ST7L: variants seen among roughly 807,000 people sequenced by gnomAD.
ST7L encodes the protein suppression of tumorigenicity 7 like.
ST7L carries 57 observed loss-of-function variants against 72.5 expected under a neutral mutation model. The ratio of observed to expected loss-of-function variants is 0.79; its 90% CI spans 0.64 to 0.98. ST7L has a LOEUF of 0.98. ST7L is among the 50% of genes least tolerant of loss of function. The pLI, the probability that ST7L is intolerant of heterozygous loss-of-function variation, is 0.00. For synonymous variants in ST7L, 221 were observed against 240.9 expected (o/e 0.92, Z 0.77); for missense variants, 576 against 672.2 (o/e 0.86, Z 1.58).
At chr1:112,522,740 A>T (rs547645467), downstream of ST7L, 1 of 152,304 alleles carries the variant, frequency 6.6e-6, no homozygotes, top group Non-Finnish European at 1.5e-5. Context: ...ATCCATTAAC[A>T]CAAAACATGA....
intron 13 of ST7L, among the ~76,000 whole-genome samples, chr1:112,548,999 T>TTGTGTGTGTGTG (rs71081247): frequency 6.7e-5 from 10 of 148,812 alleles, no homozygotes; most frequent in African/African-American, 2.5e-4. Context: ...GCTTGTTACT[T>TTGTGTGTGTGTG]TGTGTGTGTG....
At chr1:112,615,257 T>C (rs1038870189) in intron 2 of ST7L, among the ~76,000 whole-genome samples, 43 of 151,740 alleles carry the variant, frequency 2.8e-4, no homozygotes, top group African/African-American at 1.0e-3. Context: ...GTGCTAGGAT[T>C]ACAGGTATGA....
intron 8 of ST7L, 113 bp downstream of exon 8, chr1:112,582,262 C>A (rs1335520267): frequency 1.1e-6 from 1 of 926,808 alleles, no homozygotes; most frequent in Non-Finnish European, 1.6e-6. Flanking sequence ...ATACCTTGTT[C>A]TAAAAACTAC....
intron 9 of ST7L, among the ~76,000 whole-genome samples, chr1:112,579,164 C>CACGA (rs1385885593): frequency 6.6e-6 from 1 of 152,024 alleles, no homozygotes; most frequent in African/African-American, 2.4e-5. Flanking sequence ...GTGGGTGGAT[C>CACGA]ACGAGGTCAG....
intron 11 of ST7L, among the ~76,000 whole-genome samples, chr1:112,570,401 C>T (rs940595068): frequency 1.3e-5 from 2 of 152,072 alleles, no homozygotes; most frequent in African/African-American, 4.8e-5. Flanking sequence ...ACAAATTGCA[C>T]AGCTCTAGAC....
chr1:112,540,165 G>C, intron 14 of ST7L: 1 of 985,312 alleles, frequency 1.0e-6, no homozygotes, highest in Non-Finnish European at 1.2e-6. Flanking sequence ...CTAACAGTTG[G>C]TATAGATCTA....
intron 11 of ST7L, among the ~76,000 whole-genome samples, chr1:112,557,224 T>C (rs1659350454): frequency 1.3e-5 from 2 of 152,130 alleles, no homozygotes; most frequent in African/African-American, 4.8e-5. Flanking sequence ...AAGAAAATCC[T>C]GTACCCTTTA....
intron 13 of ST7L, among the ~76,000 whole-genome samples, chr1:112,550,209 A>G (rs1657882293): frequency 6.6e-6 from 1 of 152,156 alleles, no homozygotes; most frequent in African/African-American, 2.4e-5. Flanking sequence ...TATATTCATA[A>G]GGGCTGTTGT....
Position 112,577,026 on chromosome 1 carries a change from G to A in ST7L, c.1205C>T (p.Ala402Val). 1.9e-6 allele frequency: 3 copies of A among 1,610,284 alleles called. No homozygotes were observed. Among genetic ancestry groups the A allele is most frequent in the Non-Finnish European group, 2.5e-6 (3 of 1,177,738 alleles). The part of the protein sequence containing the change: ...LSTAEINAVE[A>V]IHRAVEFNPH... The stretch of plus-strand genomic sequence containing the variant: ...ATTAAATTCCACAGCTCTATGAATT[G>A]CTTCCACGGCATTAATTTCTGCTGT... The change falls in exon 11 of 15, where the codon GCA becomes GTA. Residue 402 changes from alanine to valine, a missense_variant. Physicochemically the swap from Ala to Val is moderately conservative, Grantham distance 64. Coordinates refer to ENST00000358039, the MANE Select transcript of ST7L (RefSeq NM_017744.5).
rs1664264089 is a variant in ST7L at position 112,582,425 on chromosome 1, A to G, written c.904T>C (p.Cys302Arg). The change falls in exon 8 of 15, where the codon TGT becomes CGT. Residue 302 changes from cysteine (C) to arginine (R), a missense_variant. Cys to Arg is a radical substitution (Grantham distance 180, BLOSUM62 -3). Transcript: ENST00000358039. ...CTTATTCTTCCTAATTTTCTTGCAC[A>G]CATTGCCAATCTTCTTTTAATATAT... ...LVYIKRRLAMCARKLGRIREA... is the reference protein window; with the variant it reads ...LVYIKRRLAMRARKLGRIREA... The G allele has an allele frequency of 5.6e-6, 9 of 1,609,302 alleles. No individual in the cohort carries two copies. The highest frequency in any genetic ancestry group is 7.6e-6 in the Non-Finnish European group (9 of 1,177,186).
intron 12 of ST7L, among the ~76,000 whole-genome samples, chr1:112,553,674 C>T (rs7552491): frequency 0.02 from 3,061 of 152,210 alleles, 103 homozygotes; most frequent in African/African-American, 0.069. Context: ...AACTTGGAAT[C>T]ACATTGGACA....
At chr1:112,538,938 G>A (rs1209133847) in intron 14 of ST7L, among the ~76,000 whole-genome samples, 2 of 152,114 alleles carry the variant, frequency 1.3e-5, no homozygotes, top group Non-Finnish European at 2.9e-5. Context: ...ACAACTAAGG[G>A]TAGAAAAGGT....
chr1:112,568,861 AATATAT>A (rs377429784), intron 11 of ST7L, among the ~76,000 whole-genome samples: 221 of 114,886 alleles, frequency 1.9e-3, no homozygotes, highest in African/African-American at 4.5e-3. Context: ...TATAAATATA[AATATAT>A]ATATATATAT....
chr1:112,615,865 G>A (rs545591791), intron 2 of ST7L, among the ~76,000 whole-genome samples: 6 of 152,112 alleles, frequency 3.9e-5, no homozygotes, highest in South Asian at 4.2e-4. Flanking sequence ...TCAGCCTTCC[G>A]AGTAGCTGGG....
Position 112,619,100 on chromosome 1 carries a change from C to G in ST7L, c.14G>C (p.Gly5Ala). Residue 5 changes from glycine to alanine, a missense_variant, in exon 1 of 15, where the codon GGC becomes GCC. Physicochemically the swap from Gly to Ala is moderately conservative, Grantham distance 60 (BLOSUM62 0). Coordinates refer to ENST00000358039, the MANE Select transcript of ST7L (RefSeq NM_017744.5). ...AACAGCTGCGGCTTCACCCACGCCG[C>G]CACGGTCCGCCATCTTGCCGCTATC... MADRGGVGEAAAVGA... is the reference protein window; with the variant it reads MADRAGVGEAAAVGA... 1 of 1,613,484 alleles carries G rather than the reference C, an allele frequency of 6.2e-7. No homozygotes were observed. The highest frequency in any genetic ancestry group is 1.3e-5 in the African/African-American group (1 of 75,068).
intron 11 of ST7L, among the ~76,000 whole-genome samples, chr1:112,574,001 A>G (rs1662622867): frequency 7.6e-6 from 1 of 131,210 alleles, no homozygotes; most frequent in Non-Finnish European, 1.5e-5. Context: ...TGCAACCTTC[A>G]TCTCTAGGAC....
intron 2 of ST7L, 34 bp downstream of exon 2, chr1:112,616,779 C>A: frequency 3.4e-6 from 5 of 1,474,012 alleles, no homozygotes; most frequent in East Asian, 2.3e-5. Flanking sequence ...AGATAAACAC[C>A]AAAACATGAA....
At chr1:112,603,375 G>A (rs1208104551) in intron 3 of ST7L, among the ~76,000 whole-genome samples, 1 of 152,132 alleles carries the variant, frequency 6.6e-6, no homozygotes, top group African/African-American at 2.4e-5. Context: ...ACATAACAGA[G>A]CATGCAAAGT....
chr1:112,618,319 G>T, intron 1 of ST7L: 1 of 1,000,596 alleles, frequency 1.0e-6, no homozygotes, highest in Non-Finnish European at 1.2e-6. Context: ...CAAACCCACT[G>T]TTGTTTGTGG....
Sources: allele counts gnomAD v4.1 joint callset (sites outside exome capture counted in the v4.1 genomes callset), GRCh38; gene constraint gnomAD v4.1.1; transcripts MANE v1.5; gene names NCBI Gene and HGNC (gene_info 2026-07-23, HGNC 2026-07-21).